SSBP3: variants seen among roughly 807,000 people sequenced by gnomAD.
SSBP3 encodes single-stranded DNA-binding protein 3.
A neutral mutation model predicts 69.6 loss-of-function variants in SSBP3; 5 were observed. The observed-to-expected ratio is 0.07, with a 90% confidence interval of 0.04 to 0.15. The LOEUF is 0.15. SSBP3 is among the 10% of genes least tolerant of loss of function. SSBP3 has a pLI of 1.00. For synonymous variants in SSBP3, 196 were observed against 193.4 expected (o/e 1.01, Z -0.11); for missense variants, 312 against 534.0 (o/e 0.58, Z 4.10).
At chr1:54,279,545 C>A (rs1645353660) in intron 5 of SSBP3, among the ~76,000 whole-genome samples, 1 of 152,364 alleles carries the variant, frequency 6.6e-6, no homozygotes, top group Non-Finnish European at 1.5e-5. Context: ...GCACCGGACA[C>A]CCAGATGCCG....
chr1:54,303,012 G>A (rs1196375496), intron 4 of SSBP3, among the ~76,000 whole-genome samples: 2 of 152,290 alleles, frequency 1.3e-5, no homozygotes, highest in Admixed American at 6.5e-5. Flanking sequence ...AGACAGACAC[G>A]TGAAACAATT....
At chr1:54,244,560 A>G (rs1179790641) in intron 9 of SSBP3, among the ~76,000 whole-genome samples, 1 of 152,234 alleles carries the variant, frequency 6.6e-6, no homozygotes, top group Admixed American at 6.5e-5. Flanking sequence ...GTTTGAGAGA[A>G]AAGTCTACAC....
intron 4 of SSBP3, among the ~76,000 whole-genome samples, chr1:54,316,284 A>G (rs1402666692): frequency 1.3e-5 from 2 of 151,868 alleles, no homozygotes; most frequent in Non-Finnish European, 2.9e-5. Context: ...TGGAGCTTGC[A>G]GTGAGCCAAG....
chr1:54,239,228 G>C (rs1644560307), intron 13 of SSBP3, 29 bp from the exon 14 acceptor site: 1 of 1,562,702 alleles, frequency 6.4e-7, no homozygotes, highest in African/African-American at 1.4e-5. Context: ...CCACAAGTCG[G>C]GGTGATTAAT....
chr1:54,239,979 G>GT (rs1644576662), intron 13 of SSBP3, among the ~76,000 whole-genome samples: 1 of 151,974 alleles, frequency 6.6e-6, no homozygotes. Flanking sequence ...GGTAAGGATC[G>GT]TATGTTGAAT....
intron 4 of SSBP3, among the ~76,000 whole-genome samples, chr1:54,319,365 G>A (rs1296590785): frequency 1.3e-5 from 2 of 152,084 alleles, no homozygotes; most frequent in Non-Finnish European, 2.9e-5. Context: ...CAATGTAGAC[G>A]TGAATGGGAG....
chr1:54,387,539 G>A (rs1442923152), intron 4 of SSBP3, among the ~76,000 whole-genome samples: 2 of 151,940 alleles, frequency 1.3e-5, no homozygotes, highest in East Asian at 3.9e-4. Flanking sequence ...GGAAAGAGGG[G>A]AAAAACACGT....
At chr1:54,338,880 C>T (rs1646556733) in intron 4 of SSBP3, among the ~76,000 whole-genome samples, 2 of 152,208 alleles carry the variant, frequency 1.3e-5, no homozygotes, top group Admixed American at 1.3e-4. Context: ...ACTTTAATTA[C>T]CATAATTTTT....
chr1:54,292,304 G>A (rs957446589), intron 4 of SSBP3, among the ~76,000 whole-genome samples: 1 of 152,218 alleles, frequency 6.6e-6, no homozygotes, highest in African/African-American at 2.4e-5. Context: ...ACACAAGAGA[G>A]GACTATAGCT....
chr1:54,337,864 C>T (rs1012203333), intron 4 of SSBP3, among the ~76,000 whole-genome samples: 1 of 152,112 alleles, frequency 6.6e-6, no homozygotes, highest in African/African-American at 2.4e-5. Flanking sequence ...CATGGTGGCT[C>T]ACGTCTGTAA....
chr1:54,306,272 G>A (rs1645899982), intron 4 of SSBP3, among the ~76,000 whole-genome samples: 1 of 152,176 alleles, frequency 6.6e-6, no homozygotes, highest in South Asian at 2.1e-4. Context: ...AGAGGAATAT[G>A]ATAACGCACA....
chr1:54,334,133 C>A (rs1465206954), intron 4 of SSBP3, among the ~76,000 whole-genome samples: 1 of 151,986 alleles, frequency 6.6e-6, no homozygotes, highest in Non-Finnish European at 1.5e-5. Context: ...GCGGGCGGAT[C>A]ACGAGGTCAA....
rs1245300208 is a variant in SSBP3, at chr1:54,406,118, T to TCGCTCTCTCGCTCGCTGG, written c.-128_-111dup. The TCGCTCTCTCGCTCGCTGG allele has an allele frequency of 6.7e-6, 5 of 742,164 alleles. No homozygotes were observed. In the African/African-American group the frequency reaches 1.0e-4, roughly 16 times the overall value. 46.0% of individuals were successfully genotyped at this position (742,164 alleles called of 1,614,324 possible). ...TCCCGGCCCCCTCCCCGGCGCTCGC[T>TCGCTCTCTCGCTCGCTGG]CGCTCTCTCGCTCGCTGGCGCTCTC... On this transcript the variant is annotated 5_prime_UTR_variant, in exon 1 of 18. Transcript: ENST00000610401.
chr1:54,344,425 T>A (rs74071651), intron 4 of SSBP3, among the ~76,000 whole-genome samples: 2,549 of 152,290 alleles, frequency 0.017, 71 homozygotes, highest in African/African-American at 0.057. Flanking sequence ...CTTTTGAGAA[T>A]GAATGATTCA....
chr1:54,361,891 G>A (rs1646957694), intron 4 of SSBP3, among the ~76,000 whole-genome samples: 2 of 152,164 alleles, frequency 1.3e-5, no homozygotes, highest in South Asian at 2.1e-4. Flanking sequence ...TGTTGTCATC[G>A]TCCTTCCGCC....
intron 4 of SSBP3, among the ~76,000 whole-genome samples, chr1:54,337,619 A>G (rs530986579): frequency 1.4e-5 from 2 of 146,530 alleles, no homozygotes; most frequent in South Asian, 4.3e-4. Flanking sequence ...CCCTTGCCTC[A>G]TGAGTAGCTG....
intron 4 of SSBP3, among the ~76,000 whole-genome samples, chr1:54,337,684 CAG>C (rs1646535002): frequency 6.6e-6 from 1 of 151,704 alleles, no homozygotes; most frequent in Non-Finnish European, 1.5e-5. Context: ...TTAGTAGAGA[CAG>C]AGTTTCACCA....
intron 4 of SSBP3, among the ~76,000 whole-genome samples, chr1:54,327,922 A>G (rs903538495): frequency 1.3e-5 from 2 of 152,202 alleles, no homozygotes; most frequent in African/African-American, 4.8e-5. Flanking sequence ...GCACATTTAC[A>G]TGCAAACGAC....
At position 54,329,331 on chromosome 1, in the gene SSBP3, G is replaced by A. The variant is rs145992222; in HGVS notation, c.277-47804C>T. 1.1e-3 allele frequency among the ~76,000 whole-genome samples: 160 copies of A among 152,338 alleles called. 1 individual carries two copies. Among genetic ancestry groups the A allele is most frequent in the African/African-American group, 3.6e-3 (151 of 41,592 alleles). Reference sequence around the variant, plus strand: ...GACATTTTAAAATATGCTGCAAAAAGCTGAATCTTAAATCAAGGTGCATTT... The same window carrying A: ...GACATTTTAAAATATGCTGCAAAAAACTGAATCTTAAATCAAGGTGCATTT... On this transcript the variant is annotated intron_variant, in intron 4 of 17. Transcript: ENST00000610401.
Sources: gnomAD v4.1 joint callset for allele counts (sites outside exome capture counted in the v4.1 genomes callset) on GRCh38, gnomAD v4.1.1 for gene constraint, MANE v1.5 for transcripts, NCBI Gene and HGNC (gene_info 2026-07-23, HGNC 2026-07-21) for gene names.